SORCS1: variants seen among roughly 807,000 people sequenced by gnomAD.
SORCS1 encodes the protein VPS10 domain-containing receptor SorCS1.
SORCS1 carries 60 observed loss-of-function variants against 146.1 expected under a neutral mutation model. That is an observed-to-expected ratio of 0.41 (90% CI 0.33 to 0.51). SORCS1 has a LOEUF of 0.51. Ranked by LOEUF, SORCS1 falls within the 20% of genes least tolerant of loss-of-function variation. SORCS1 has a pLI of 0.21. For missense variants in SORCS1, 1,352 were observed against 1,487.6 expected (o/e 0.91, Z 1.50); for synonymous variants, 637 against 584.0 (o/e 1.09, Z -1.31).
chr10:106,830,578 CT>C (rs769894046), intron 2 of SORCS1, among the ~76,000 whole-genome samples: 144 of 135,502 alleles, frequency 1.1e-3, no homozygotes, highest in Middle Eastern at 3.9e-3. Flanking sequence ...TTTTTTTTTC[CT>C]TTTTTTTTTT....
At chr10:107,072,164 C>T (rs1189046599) in intron 1 of SORCS1, among the ~76,000 whole-genome samples, 1 of 152,180 alleles carries the variant, frequency 6.6e-6, no homozygotes, top group Non-Finnish European at 1.5e-5. Context: ...AAATAAGGAA[C>T]CAGCCCTGAC....
intron 1 of SORCS1, among the ~76,000 whole-genome samples, chr10:106,974,541 A>T (rs1394594526): frequency 6.6e-6 from 1 of 152,140 alleles, no homozygotes; most frequent in Non-Finnish European, 1.5e-5. Flanking sequence ...TTAACAAGAG[A>T]TCCACAAGGA....
Position 107,161,323 on chromosome 10 carries a change from T to C in SORCS1, c.558+2646A>G, listed in dbSNP as rs186509654. On this transcript the variant is annotated intron_variant, in intron 1 of 25. Coordinates refer to ENST00000263054, the MANE Select transcript of SORCS1 (RefSeq NM_052918.5). ...AAGGGTTCACAGGATGTGCACTGCC[T>C]GTGGTCCTGAATGGGTCTGGGGGCA... 1.1e-4 allele frequency among the ~76,000 whole-genome samples: 16 copies of C among 152,328 alleles called. No homozygotes were observed. The East Asian group carries it at 3.1e-3, about 29-fold the overall frequency.
intron 13 of SORCS1, among the ~76,000 whole-genome samples, chr10:106,676,230 CT>C (rs1165957874): frequency 6.6e-6 from 1 of 152,138 alleles, no homozygotes; most frequent in Admixed American, 6.5e-5. Context: ...GAGAGAACCA[CT>C]TTCAAAAACA....
intron 21 of SORCS1, 101 bp from the exon 22 acceptor site, chr10:106,612,124 C>A: frequency 1.2e-6 from 1 of 848,590 alleles, no homozygotes; most frequent in Non-Finnish European, 1.9e-6. Context: ...CCTTCCCCTT[C>A]ACTTACCATA....
chr10:106,755,570 C>CAGT (rs1858571945), intron 5 of SORCS1, among the ~76,000 whole-genome samples: 2 of 151,720 alleles, frequency 1.3e-5, no homozygotes, highest in Admixed American at 6.6e-5. Context: ...TCTTCCCTTA[C>CAGT]AGTAACATAA....
At chr10:106,869,372 C>A (rs1035536041) in intron 2 of SORCS1, among the ~76,000 whole-genome samples, 2 of 152,012 alleles carry the variant, frequency 1.3e-5, no homozygotes, top group African/African-American at 4.8e-5. Context: ...ACCAAAACCT[C>A]GCAGACACAC....
intron 22 of SORCS1, among the ~76,000 whole-genome samples, chr10:106,610,234 G>A (rs1407251639): frequency 2.6e-5 from 4 of 151,974 alleles, no homozygotes; most frequent in African/African-American, 7.2e-5. Flanking sequence ...GAATAAGGAA[G>A]AGGATGGCCC....
chr10:107,129,373 G>A (rs1207176495), intron 1 of SORCS1, among the ~76,000 whole-genome samples: 1 of 152,210 alleles, frequency 6.6e-6, no homozygotes, highest in Admixed American at 6.5e-5. Flanking sequence ...AGAGCTGCCA[G>A]TTCCTTCAAC....
intron 3 of SORCS1, among the ~76,000 whole-genome samples, chr10:106,815,111 A>C (rs2136847952): frequency 6.6e-6 from 1 of 151,682 alleles, no homozygotes; most frequent in South Asian, 2.1e-4. Context: ...GGTGCATGCC[A>C]CCACACCCAG....
intron 17 of SORCS1, among the ~76,000 whole-genome samples, chr10:106,666,048 G>T (rs879682444): frequency 1.3e-5 from 2 of 152,142 alleles, no homozygotes; most frequent in Non-Finnish European, 2.9e-5. Context: ...CACCATGTTA[G>T]CCAGGATGGT....
intron 9 of SORCS1, among the ~76,000 whole-genome samples, chr10:106,697,512 G>A (rs572095347): frequency 2.0e-5 from 3 of 152,186 alleles, no homozygotes; most frequent in Non-Finnish European, 2.9e-5. Flanking sequence ...ATGTCACGTG[G>A]CTGCACTAAT....
chr10:106,673,443 T>A (rs1851767276), intron 14 of SORCS1, among the ~76,000 whole-genome samples: 1 of 152,166 alleles, frequency 6.6e-6, no homozygotes, highest in African/African-American at 2.4e-5. Context: ...GAGGGTACTA[T>A]TACTGGATCC....
intron 3 of SORCS1, among the ~76,000 whole-genome samples, chr10:106,806,669 C>A (rs1947202292): frequency 6.6e-6 from 1 of 151,254 alleles, no homozygotes; most frequent in African/African-American, 2.4e-5. Context: ...GTGCCCGCCA[C>A]CTCGCCCAGC....
intron 8 of SORCS1, among the ~76,000 whole-genome samples, chr10:106,700,198 G>A (rs1854031360): frequency 6.6e-6 from 1 of 152,170 alleles, no homozygotes; most frequent in African/African-American, 2.4e-5. Context: ...TAAAGCAAAG[G>A]TAGCGCGGAG....
chr10:106,682,180 A>G (rs1472643546), intron 10 of SORCS1, among the ~76,000 whole-genome samples: 1 of 152,108 alleles, frequency 6.6e-6, no homozygotes, highest in Non-Finnish European at 1.5e-5. Context: ...AAACAAAACA[A>G]AAAACAAGAA....
At chr10:106,813,678 C>A (rs1434163552) in intron 3 of SORCS1, among the ~76,000 whole-genome samples, 1 of 152,198 alleles carries the variant, frequency 6.6e-6, no homozygotes, top group Non-Finnish European at 1.5e-5. Context: ...CTCACGCCTG[C>A]AATCCCAAAG....
chr10:106,895,949 G>A (rs200814662), intron 2 of SORCS1, among the ~76,000 whole-genome samples: 12 of 150,774 alleles, frequency 8.0e-5, no homozygotes, highest in African/African-American at 1.5e-4. Context: ...ATGTGTGTGT[G>A]TGTATATATA....
intron 3 of SORCS1, among the ~76,000 whole-genome samples, chr10:106,783,000 G>A (rs1306827929): frequency 6.6e-6 from 1 of 152,196 alleles, no homozygotes; most frequent in Non-Finnish European, 1.5e-5. Flanking sequence ...ACCATGAGAA[G>A]AAAGGTAAGC....
Sources: allele counts gnomAD v4.1 joint callset (sites outside exome capture counted in the v4.1 genomes callset), GRCh38; gene constraint gnomAD v4.1.1; transcripts MANE v1.5; gene names NCBI Gene and HGNC (gene_info 2026-07-23, HGNC 2026-07-21).